MAP7: variants seen among roughly 807,000 people sequenced by gnomAD.
MAP7 encodes the protein ensconsin.
Under a neutral mutation model 94.8 loss-of-function variants are expected in MAP7, and 52 were observed. The ratio of observed to expected loss-of-function variants is 0.55; its 90% CI spans 0.44 to 0.69. The LOEUF is 0.69. MAP7 is among the 30% of genes least tolerant of loss of function. MAP7 has a pLI of 0.00. For missense variants in MAP7, 940 were observed against 964.6 expected, an observed-to-expected ratio of 0.97 and a Z score of 0.34; for synonymous variants, 350 against 357.0, an observed-to-expected ratio of 0.98 and a Z score of 0.22.
At chr6:136,547,234 C>T (rs1829805143) in intron 1 of MAP7, among the ~76,000 whole-genome samples, 2 of 152,194 alleles carry the variant, frequency 1.3e-5, no homozygotes, top group African/African-American at 4.8e-5. Context: ...AAGCCCAATT[C>T]CAGATTCTAA....
rs769704709 is a variant in MAP7, at chr6:136,396,441, T to TA, written c.245-6925dup. Among the ~76,000 whole-genome samples, 3 of 152,270 alleles carry TA rather than the reference T, an allele frequency of 2.0e-5. No individual in the cohort carries two copies. The South Asian group carries it at 6.2e-4, about 32-fold the overall frequency. On this transcript the variant is annotated intron_variant, in intron 3 of 17. Coordinates refer to ENST00000354570, the MANE Select transcript of MAP7 (RefSeq NM_003980.6). ...TTTACTGAATTAATTTATCCATACT[T>TA]AGAGATTTTTGGCGAAGCTTTTAGG...
rs1797581564 is a variant in MAP7 at position 136,440,690 on chromosome 6, C to T, written c.68-18891G>A. The stretch of plus-strand genomic sequence containing the variant: ...GTAATTTTAGAAGATGAAAATAAAA[C>T]TTTAGTAAGAATTAAGATCTAAGAA... On this transcript the variant is annotated intron_variant, in intron 1 of 17. Coordinates refer to ENST00000354570, the MANE Select transcript of MAP7 (RefSeq NM_003980.6). Among the ~76,000 whole-genome samples, 6 of 152,024 alleles carry T rather than the reference C, an allele frequency of 3.9e-5. No homozygotes were observed. In the South Asian group the frequency reaches 1.2e-3, roughly 32 times the overall value.
At chr6:136,470,974 G>T (rs1808790226) in intron 1 of MAP7, among the ~76,000 whole-genome samples, 1 of 151,998 alleles carries the variant, frequency 6.6e-6, no homozygotes, top group African/African-American at 2.4e-5. Context: ...TTATCAAAAT[G>T]GTACAGTTTA....
At chr6:136,471,251 G>A (rs997345006) in intron 1 of MAP7, among the ~76,000 whole-genome samples, 3 of 152,142 alleles carry the variant, frequency 2.0e-5, no homozygotes, top group African/African-American at 7.2e-5. Flanking sequence ...TTTTGATCAT[G>A]GTGGGTCTTA....
intron 1 of MAP7, among the ~76,000 whole-genome samples, chr6:136,422,772 T>C (rs1791786299): frequency 6.6e-6 from 1 of 152,226 alleles, no homozygotes; most frequent in South Asian, 2.1e-4. Flanking sequence ...TAAGATTATA[T>C]ATTGCTAATT....
chr6:136,486,563 C>T (rs183717148), intron 1 of MAP7, among the ~76,000 whole-genome samples: 3 of 152,240 alleles, frequency 2.0e-5, no homozygotes, highest in African/African-American at 4.8e-5. Flanking sequence ...ACAAAAATAG[C>T]CCCACAATCT....
intron 2 of MAP7, chr6:136,420,329 T>G: frequency 2.8e-6 from 2 of 704,134 alleles, no homozygotes. Flanking sequence ...CACCACCCGC[T>G]TGCCCTGCGT....
intron 1 of MAP7, among the ~76,000 whole-genome samples, chr6:136,476,629 G>A (rs1353953175): frequency 6.6e-6 from 1 of 152,178 alleles, no homozygotes; most frequent in Non-Finnish European, 1.5e-5. Context: ...GTGAATGGAT[G>A]AGCAGAACCA....
intron 1 of MAP7, among the ~76,000 whole-genome samples, chr6:136,548,152 G>A (rs558514644): frequency 2.5e-5 from 3 of 122,196 alleles, no homozygotes; most frequent in African/African-American, 3.3e-5. Flanking sequence ...TTAAAAAAAT[G>A]AGACTTGCAG....
chr6:136,363,509 TC>T, intron 10 of MAP7, among the ~76,000 whole-genome samples: 1 of 152,364 alleles, frequency 6.6e-6, no homozygotes. Context: ...AGCCCTTCTT[TC>T]CTTCCTTTTT....
chr6:136,375,238 A>T (rs908200786), intron 7 of MAP7, among the ~76,000 whole-genome samples: 2 of 152,236 alleles, frequency 1.3e-5, no homozygotes, highest in African/African-American at 2.4e-5. Context: ...CATTGCATAT[A>T]CATTATTTAA....
chr6:136,404,460 T>C lies in MAP7; in HGVS notation c.244+7160A>G, dbSNP rs111906379. Among the ~76,000 whole-genome samples, 333 of 152,240 alleles carry C rather than the reference T, an allele frequency of 2.2e-3. 4 individuals carry two copies. The highest frequency in any genetic ancestry group is 7.7e-3 in the African/African-American group (320 of 41,568). ...AGTTTGTTCAAAGGTTAAAACTTTT[T>C]ATATTGTCTTATTCTTTCTAAAATA... On this transcript the variant is annotated intron_variant, in intron 3 of 17. Coordinates refer to ENST00000354570, the MANE Select transcript of MAP7 (RefSeq NM_003980.6).
chr6:136,387,987 A>G (rs1464454987), intron 5 of MAP7, among the ~76,000 whole-genome samples: 1 of 152,238 alleles, frequency 6.6e-6, no homozygotes, highest in African/African-American at 2.4e-5. Context: ...TAGGGTCAGA[A>G]TACATAAGCT....
intron 1 of MAP7, among the ~76,000 whole-genome samples, chr6:136,543,353 G>C (rs527369401): frequency 1.3e-5 from 2 of 152,158 alleles, no homozygotes; most frequent in Admixed American, 1.3e-4. Context: ...GACTCAAAAG[G>C]TTACACAATG....
intron 1 of MAP7, among the ~76,000 whole-genome samples, chr6:136,483,873 G>GA (rs1403903607): frequency 1.2e-4 from 19 of 152,024 alleles, no homozygotes; most frequent in Admixed American, 3.3e-4. Context: ...TTTTTCAACA[G>GA]AAAAAAATCA....
chr6:136,550,191 G>A lies in MAP7; in HGVS notation c.67+151C>T, dbSNP rs953961640. 1 of 470,708 alleles carries A rather than the reference G, an allele frequency of 2.1e-6. No homozygotes were observed. Among genetic ancestry groups the A allele is most frequent in the African/African-American group, 2.1e-5 (1 of 47,868 alleles). The allele number at this position is 470,708 out of a possible 1,614,324, so 29.2% of individuals were successfully genotyped here. Reference sequence around the variant, plus strand: ...GCGGGGGAAGGCGCTCTCGGAGCAGGGTGCGCGGCGCGCAGGGCCGGTTGT... The same window carrying A: ...GCGGGGGAAGGCGCTCTCGGAGCAGAGTGCGCGGCGCGCAGGGCCGGTTGT... On this transcript the variant is annotated intron_variant, in intron 1 of 17. Coordinates refer to ENST00000354570, the MANE Select transcript of MAP7 (RefSeq NM_003980.6). This position sits in a 1 kb window ranked among gnomAD's most constrained non-coding sequence, Gnocchi z 5.1.
intron 3 of MAP7, among the ~76,000 whole-genome samples, chr6:136,406,045 C>T (rs981513185): frequency 1.3e-5 from 2 of 152,164 alleles, no homozygotes. Context: ...CATAAAATCA[C>T]ACAAAATAGC....
At chr6:136,459,625 T>C (rs984850157) in intron 1 of MAP7, among the ~76,000 whole-genome samples, 16 of 152,322 alleles carry the variant, frequency 1.1e-4, no homozygotes, top group Non-Finnish European at 1.6e-4. Flanking sequence ...TTGGACATTA[T>C]GCTATGTGAA....
intron 1 of MAP7, among the ~76,000 whole-genome samples, chr6:136,486,048 TTGC>T (rs1814641454): frequency 6.6e-6 from 1 of 152,136 alleles, no homozygotes; most frequent in South Asian, 2.1e-4. Context: ...CACAGCCTGC[TTGC>T]TGCTGTATCT....
Sources: gnomAD v4.1 joint callset for allele counts (sites outside exome capture counted in the v4.1 genomes callset) on GRCh38, gnomAD v4.1.1 for gene constraint, Gnocchi (gnomAD v3.1) non-coding constraint, MANE v1.5 for transcripts, NCBI Gene and HGNC (gene_info 2026-07-23, HGNC 2026-07-21) for gene names.